B3GALT1: variants seen among roughly 807,000 people sequenced by gnomAD.
B3GALT1 encodes the protein beta-1,3-galactosyltransferase 1.
In B3GALT1, 10 loss-of-function variants were observed where a neutral mutation model predicts 23.2. The observed-to-expected ratio is 0.43, with a 90% CI of 0.27 to 0.73. The LOEUF (loss-of-function observed/expected upper bound fraction) is 0.73. Among genes scored for constraint, B3GALT1 ranks in the 30% least tolerant of loss-of-function variants. The probability of loss-of-function intolerance (pLI) is 0.21; values close to 1 mark genes in which losing one functional copy is unlikely to be tolerated. For synonymous variants in B3GALT1, 156 were observed against 141.5 expected, an observed-to-expected ratio of 1.10 and a Z score of -0.73; for missense variants, 299 against 405.4, an observed-to-expected ratio of 0.74 and a Z score of 2.25.
At chr2:167,309,125 A>G (rs1433201821) in intron 1 of B3GALT1, among the ~76,000 whole-genome samples, 2 of 152,086 alleles carry the variant, frequency 1.3e-5, no homozygotes, top group African/African-American at 4.8e-5. Flanking sequence ...TTGACTTGTC[A>G]TAGCTCATAA....
At chr2:167,675,797 C>G (rs1265732005) in intron 3 of B3GALT1, among the ~76,000 whole-genome samples, 1 of 151,824 alleles carries the variant, frequency 6.6e-6, no homozygotes, top group East Asian at 1.9e-4. Context: ...GGTTTACAGC[C>G]TTCTGTAATT....
At chr2:167,408,065 CACACACAG>C (rs1400303863) in intron 1 of B3GALT1, among the ~76,000 whole-genome samples, 155 of 119,456 alleles carry the variant, frequency 1.3e-3, no homozygotes, top group African/African-American at 5.0e-3. Flanking sequence ...CACACACACA[CACACACAG>C]ACACACAAAA....
At chr2:167,492,877 A>G (rs1443746278) in intron 2 of B3GALT1, among the ~76,000 whole-genome samples, 2 of 149,090 alleles carry the variant, frequency 1.3e-5, no homozygotes, top group African/African-American at 2.5e-5. Context: ...GTATTTAGAG[A>G]TGTGTGTGTG....
At chr2:167,541,945 A>C (rs1683539573) in intron 2 of B3GALT1, among the ~76,000 whole-genome samples, 1 of 152,142 alleles carries the variant, frequency 6.6e-6, no homozygotes, top group African/African-American at 2.4e-5. Context: ...AGTTTCCTAA[A>C]AGGAGCTACT....
At chr2:167,393,817 G>A (rs1218159333) in intron 1 of B3GALT1, among the ~76,000 whole-genome samples, 1 of 152,150 alleles carries the variant, frequency 6.6e-6, no homozygotes, top group Non-Finnish European at 1.5e-5. Context: ...CATGCATCAT[G>A]TTTTAAAGCC....
At chr2:167,316,134 A>T (rs1574029661) in intron 1 of B3GALT1, among the ~76,000 whole-genome samples, 1 of 152,214 alleles carries the variant, frequency 6.6e-6, no homozygotes, top group African/African-American at 2.4e-5. Flanking sequence ...AAATGGGAGA[A>T]CTAGGGTATT....
chr2:167,418,681 T>C (rs1376673593), intron 1 of B3GALT1, among the ~76,000 whole-genome samples: 6 of 146,392 alleles, frequency 4.1e-5, no homozygotes, highest in Non-Finnish European at 7.6e-5. Context: ...TCTTCCTCTT[T>C]TTTTTTTTTT....
chr2:167,818,613 C>T (rs2105361859), intron 3 of B3GALT1, among the ~76,000 whole-genome samples, 59 bp from the exon 4 acceptor site: 1 of 152,280 alleles, frequency 6.6e-6, no homozygotes, highest in South Asian at 2.1e-4. Flanking sequence ...TTTCATTTCT[C>T]TGAACCCAAT....
chr2:167,643,810 A>C (rs1685696272), intron 2 of B3GALT1, among the ~76,000 whole-genome samples: 1 of 152,236 alleles, frequency 6.6e-6, no homozygotes, highest in African/African-American at 2.4e-5. Context: ...AACCTCAGAC[A>C]CCATAGGCAG....
chr2:167,860,160 C>G (rs1399708135), intron 4 of B3GALT1, among the ~76,000 whole-genome samples: 1 of 152,102 alleles, frequency 6.6e-6, no homozygotes, highest in Non-Finnish European at 1.5e-5. Context: ...TCAATTAGTT[C>G]TGTTGCAATT....
At chr2:167,500,443 G>T (rs553232486) in intron 2 of B3GALT1, among the ~76,000 whole-genome samples, 1 of 152,110 alleles carries the variant, frequency 6.6e-6, no homozygotes, top group African/African-American at 2.4e-5. Context: ...TTGTGTGGGG[G>T]TGTCATTGAA....
chr2:167,791,081 C>T lies in B3GALT1; in HGVS notation c.-351-27591C>T, dbSNP rs79680338. 3.0e-3 allele frequency among the ~76,000 whole-genome samples: 459 copies of T among 152,238 alleles called. 22 individuals are homozygous for T. In the East Asian group the frequency reaches 0.081, roughly 27 times the overall value. On this transcript the variant is annotated intron_variant, in intron 3 of 4. Transcript: ENST00000392690. ...ATTTATCCACCAAACACTTACACAG[C>T]GCTTCCTATGTGCCAGGCTGTGGTC...
intron 1 of B3GALT1, among the ~76,000 whole-genome samples, chr2:167,454,215 ACGCG>A (rs1325674493): frequency 2.7e-5 from 4 of 148,922 alleles, no homozygotes; most frequent in African/African-American, 1.0e-4. Context: ...GTGTGTGCGC[ACGCG>A]CGCGTGCACG....
At chr2:167,837,714 C>T (rs1278856824) in intron 4 of B3GALT1, among the ~76,000 whole-genome samples, 1 of 147,828 alleles carries the variant, frequency 6.8e-6, no homozygotes, top group Non-Finnish European at 1.5e-5. Flanking sequence ...CCCAAATCAA[C>T]AGAATATACA....
intron 1 of B3GALT1, among the ~76,000 whole-genome samples, chr2:167,358,008 T>C (rs1697441718): frequency 6.6e-6 from 1 of 152,238 alleles, no homozygotes; most frequent in Non-Finnish European, 1.5e-5. Flanking sequence ...GTATTTTGGA[T>C]AGGATTTCAA....
intron 3 of B3GALT1, among the ~76,000 whole-genome samples, chr2:167,740,629 A>G (rs1261233124): frequency 1.3e-5 from 2 of 152,194 alleles, no homozygotes; most frequent in Non-Finnish European, 2.9e-5. Flanking sequence ...AAATAGAAAT[A>G]TATTTCCTGG....
chr2:167,367,921 A>G (rs1697616148), intron 1 of B3GALT1, among the ~76,000 whole-genome samples: 1 of 152,212 alleles, frequency 6.6e-6, no homozygotes, highest in African/African-American at 2.4e-5. Context: ...ATATAACAGG[A>G]CTTCAAAAGC....
intron 2 of B3GALT1, among the ~76,000 whole-genome samples, chr2:167,600,353 A>C (rs898306460): frequency 3.9e-5 from 6 of 152,156 alleles, no homozygotes; most frequent in Non-Finnish European, 7.4e-5. Context: ...GTCACTATTT[A>C]TTTGCTAACA....
chr2:167,439,546 TTTTTA>T lies in B3GALT1; in HGVS notation c.-510-50618_-510-50614del, dbSNP rs200795642. On this transcript the variant is annotated intron_variant, in intron 1 of 4. Transcript: ENST00000392690. ...CTATATTTTTCTAGCTTATTTCTCT[TTTTTA>T]TTTTATTTTATTATTATTATACTTT... Among the ~76,000 whole-genome samples, 970 of 152,104 alleles carry T rather than the reference TTTTTA, an allele frequency of 6.4e-3. 12 individuals carry two copies. Among genetic ancestry groups the T allele is most frequent in the African/African-American group, 0.022 (929 of 41,544 alleles).
Sources: gnomAD v4.1 joint callset for allele counts (sites outside exome capture counted in the v4.1 genomes callset) on GRCh38, gnomAD v4.1.1 for gene constraint, MANE v1.5 for transcripts, NCBI Gene and HGNC (gene_info 2026-07-23, HGNC 2026-07-21) for gene names.